Variants in POU2F1 observed in about 807,000 individuals in gnomAD.
The protein encoded by POU2F1 is POU class 2 homeobox 1, also known as POU domain, class 2, transcription factor 1.
Under a neutral mutation model 84.9 loss-of-function variants are expected in POU2F1, and 16 were observed. That is an observed-to-expected ratio of 0.19 (90% confidence interval 0.13 to 0.29). POU2F1 has a LOEUF of 0.29. Among genes scored for constraint, POU2F1 ranks in the 10% least tolerant of loss-of-function variants. The pLI is 1.00. For missense variants in POU2F1, 738 were observed against 942.6 expected, an observed-to-expected ratio of 0.78 and a Z score of 2.84; for synonymous variants, 368 against 368.3, an observed-to-expected ratio of 1.00 and a Z score of 0.01.
At chr1:167,338,113 GCCTGCCTCT>G (rs57640425) in intron 2 of POU2F1, 25,200 of 461,736 alleles carry the variant, frequency 0.055, 2,480 homozygotes, top group African/African-American at 0.3. Context: ...CACCAAGTGT[GCCTGCCTCT>G]CCTGCCTCCC....
At chr1:167,394,968 A>G (rs12724217) in intron 9 of POU2F1, among the ~76,000 whole-genome samples, 1,822 of 152,334 alleles carry the variant, frequency 0.012, 14 homozygotes, top group South Asian at 0.024. Context: ...AGTTCAAACA[A>G]GTGTTGCCAG....
At position 167,416,122 on chromosome 1, in the gene POU2F1, A is replaced by G. The variant is rs1650303411; in HGVS notation, c.*312A>G. ...AAAAAAAAAAGAAACAAAAAAATCA[A>G]AAACAAACAAAAATAAGTGAAAGGA... On this transcript the variant is annotated 3_prime_UTR_variant, in exon 16 of 16. Transcript: ENST00000367866. 2 of 487,780 alleles carry G rather than the reference A, an allele frequency of 4.1e-6. No homozygotes were observed. The highest frequency in any genetic ancestry group is 4.9e-5 in the East Asian group (1 of 20,512). The allele number at this position is 487,780 out of a possible 1,614,324, so 30.2% of individuals were successfully genotyped here. A position where few individuals can be genotyped will look rare whatever the true frequency, so the allele number is the denominator to read the frequency against.
At position 167,423,591 on chromosome 1, in the gene POU2F1, G is replaced by A. The variant is rs1003260748; in HGVS notation, c.*7781G>A. 6.6e-6 allele frequency: 1 copy of A among 152,176 alleles called. No homozygotes were observed. The highest frequency in any genetic ancestry group is 2.4e-5 in the African/African-American group (1 of 41,440). The allele number at this position is 152,176 out of a possible 1,614,324, so 9.4% of individuals were successfully genotyped here. The stretch of plus-strand genomic sequence containing the variant: ...ACCTGGTAGGGAAGATGTGATTTAT[G>A]ATTGTTTCTGTGTCCCTGTATCTGC... On this transcript the variant is annotated 3_prime_UTR_variant, in exon 16 of 16. Transcript: ENST00000367866.
At position 167,424,614 on chromosome 1, in the gene POU2F1, C is replaced by T. The variant is rs1477615168; in HGVS notation, c.*8804C>T. 1 of 152,288 alleles carries T rather than the reference C, an allele frequency of 6.6e-6. No homozygotes were observed. The highest frequency in any genetic ancestry group is 2.4e-5 in the African/African-American group (1 of 41,458). The allele number at this position is 152,288 out of a possible 1,614,324, so 9.4% of individuals were successfully genotyped here. ...GCCCTCCCTCCTCAGTCATGTTAAA[C>T]TCTGGCCTATAGCATCATGGGACCT... On this transcript the variant is annotated 3_prime_UTR_variant, in exon 16 of 16. Coordinates refer to ENST00000367866, the MANE Select transcript of POU2F1 (RefSeq NM_002697.4).
intron 1 of POU2F1, among the ~76,000 whole-genome samples, chr1:167,329,904 A>G (rs1296746813): frequency 2.0e-5 from 3 of 152,160 alleles, no homozygotes; most frequent in Admixed American, 2.0e-4. Flanking sequence ...AAAATCAACT[A>G]TATACTCTAG....
chr1:167,359,754 C>T (rs1659225531), intron 2 of POU2F1, among the ~76,000 whole-genome samples: 1 of 149,888 alleles, frequency 6.7e-6, no homozygotes, highest in Non-Finnish European at 1.5e-5. Context: ...GAGAAATTGC[C>T]AAACTGCTTT....
At chr1:167,408,943 C>T (rs1218836922) in intron 13 of POU2F1, among the ~76,000 whole-genome samples, 3 of 152,198 alleles carry the variant, frequency 2.0e-5, no homozygotes, top group African/African-American at 7.2e-5. Context: ...TACATTCTGA[C>T]ACAATTCCAG....
Position 167,422,006 on chromosome 1 carries a change from AC to A in POU2F1, c.*6197del, listed in dbSNP as rs1650676956. 6.6e-6 allele frequency: 1 copy of A among 152,098 alleles called. No individual in the cohort carries two copies. Among genetic ancestry groups the A allele is most frequent in the Admixed American group, 6.6e-5 (1 of 15,258 alleles). 9.4% of individuals were successfully genotyped at this position (152,098 alleles called of 1,614,324 possible). On this transcript the variant is annotated 3_prime_UTR_variant, in exon 16 of 16. Coordinates refer to ENST00000367866, the MANE Select transcript of POU2F1 (RefSeq NM_002697.4). ...TCTTATATCTGTCTTGCCAAAGGAAACTTGATTTTCCCTGTGATTGGCTTTG... is the reference window on the plus strand; with the variant it reads ...TCTTATATCTGTCTTGCCAAAGGAAATTGATTTTCCCTGTGATTGGCTTTG...
intron 1 of POU2F1, among the ~76,000 whole-genome samples, chr1:167,306,673 G>C (rs1655086220): frequency 6.6e-6 from 1 of 152,086 alleles, no homozygotes; most frequent in African/African-American, 2.4e-5. Flanking sequence ...CCAGAATAAG[G>C]TATTAGTAGG....
intron 6 of POU2F1, among the ~76,000 whole-genome samples, chr1:167,375,023 C>T (rs1215900120): frequency 1.3e-5 from 2 of 148,526 alleles, no homozygotes; most frequent in East Asian, 2.0e-4. Context: ...GCCGAGATCG[C>T]GCCACTAAAA....
chr1:167,343,438 T>C (rs895858147), intron 2 of POU2F1, among the ~76,000 whole-genome samples: 2 of 152,114 alleles, frequency 1.3e-5, no homozygotes, highest in East Asian at 1.9e-4. Flanking sequence ...GAGAGCAGCT[T>C]AGTTTTATTT....
In POU2F1 at chr1:167,424,189, A is replaced by G. The variant is rs1650811563; in HGVS notation, c.*8379A>G. Reference sequence around the variant, plus strand: ...GTAGAGTGGACTAGTGCCAGCCTGAATAGGTTTAAAACTGCAAACAGTTGG... The same window carrying G: ...GTAGAGTGGACTAGTGCCAGCCTGAGTAGGTTTAAAACTGCAAACAGTTGG... On this transcript the variant is annotated 3_prime_UTR_variant, in exon 16 of 16. Transcript: ENST00000367866. The G allele has an allele frequency of 1.3e-5, 2 of 152,256 alleles. No individual in the cohort carries two copies. The highest frequency in any genetic ancestry group is 4.8e-5 in the African/African-American group (2 of 41,466). The allele number at this position is 152,256 out of a possible 1,614,324, so 9.4% of individuals were successfully genotyped here. A position where few individuals can be genotyped will look rare whatever the true frequency, so the allele number is the denominator to read the frequency against.
intron 2 of POU2F1, among the ~76,000 whole-genome samples, chr1:167,344,984 TTC>T (rs1389059047): frequency 6.6e-6 from 1 of 152,116 alleles, no homozygotes; most frequent in African/African-American, 2.4e-5. Context: ...ACACCACATT[TTC>T]TCACTCATAA....
intron 1 of POU2F1, among the ~76,000 whole-genome samples, chr1:167,276,756 A>C (rs1374723054): frequency 6.6e-6 from 1 of 152,222 alleles, no homozygotes; most frequent in Non-Finnish European, 1.5e-5. Context: ...TAAAAAATGA[A>C]GTATTTTCAG....
intron 9 of POU2F1, among the ~76,000 whole-genome samples, chr1:167,394,572 A>G (rs1349286617): frequency 2.6e-5 from 4 of 152,198 alleles, no homozygotes; most frequent in Admixed American, 2.6e-4. Context: ...GGGATGTCCA[A>G]TACAATAGCC....
chr1:167,270,158 T>C (rs1652269591), intron 1 of POU2F1, among the ~76,000 whole-genome samples: 2 of 152,244 alleles, frequency 1.3e-5, no homozygotes, highest in South Asian at 4.1e-4. Flanking sequence ...ATTTTGAAAA[T>C]TTCATGAGGA....
chr1:167,282,534 A>T (rs1653230300), intron 1 of POU2F1, among the ~76,000 whole-genome samples: 1 of 152,204 alleles, frequency 6.6e-6, no homozygotes, highest in African/African-American at 2.4e-5. Flanking sequence ...TTGAAACTTA[A>T]ATATGAGGAC....
intron 1 of POU2F1, among the ~76,000 whole-genome samples, chr1:167,241,820 T>A (rs747861836): frequency 2.0e-5 from 3 of 152,210 alleles, no homozygotes; most frequent in Non-Finnish European, 4.4e-5. Context: ...GTTAGGTAAT[T>A]TCAAAAAGTT....
intron 5 of POU2F1, among the ~76,000 whole-genome samples, chr1:167,372,703 G>A (rs985923045): frequency 1.3e-5 from 2 of 152,108 alleles, no homozygotes; most frequent in Admixed American, 1.3e-4. Context: ...AGGCTGAGAC[G>A]TTCTGTCATT....
Sources: gnomAD v4.1 joint callset for allele counts (sites outside exome capture counted in the v4.1 genomes callset) on GRCh38, gnomAD v4.1.1 for gene constraint, MANE v1.5 for transcripts, NCBI Gene and HGNC (gene_info 2026-07-23, HGNC 2026-07-21) for gene names.